CXCL13: variants seen among roughly 807,000 people sequenced by gnomAD.
CXCL13 encodes the protein C-X-C motif chemokine 13.
A neutral mutation model predicts 12.2 loss-of-function variants in CXCL13; 7 were observed. The ratio of observed to expected loss-of-function variants is 0.57; its 90% CI spans 0.33 to 1.07. The LOEUF (loss-of-function observed/expected upper bound fraction) is 1.07, where lower values mean the gene tolerates loss of function less well. Ranked by LOEUF, CXCL13 falls within the 50% of genes least tolerant of loss-of-function variation. CXCL13 has a pLI of 0.04. For missense variants in CXCL13, 113 were observed against 127.4 expected (o/e 0.89, Z 0.55); for synonymous variants, 47 against 42.4 (o/e 1.11, Z -0.42).
intron 1 of CXCL13, among the ~76,000 whole-genome samples, chr4:77,585,623 G>A (rs754458587): frequency 6.6e-6 from 1 of 152,192 alleles, no homozygotes; most frequent in Non-Finnish European, 1.5e-5. Context: ...GAGAGACGCT[G>A]TGTCACCCAG....
chr4:77,556,713 G>T (rs1185294166), intron 1 of CXCL13, among the ~76,000 whole-genome samples: 1 of 152,054 alleles, frequency 6.6e-6, no homozygotes, highest in Non-Finnish European at 1.5e-5. Flanking sequence ...ATTCAAAGAT[G>T]AATCCAGAAT....
At chr4:77,573,034 T>G (rs1300141078) in intron 1 of CXCL13, among the ~76,000 whole-genome samples, 2 of 151,714 alleles carry the variant, frequency 1.3e-5, no homozygotes, top group Non-Finnish European at 2.9e-5. Flanking sequence ...AGCTAAATGA[T>G]GAGAACACAT....
intron 1 of CXCL13, among the ~76,000 whole-genome samples, chr4:77,533,223 C>G (rs943551505): frequency 3.9e-5 from 6 of 152,100 alleles, no homozygotes; most frequent in Admixed American, 3.3e-4. Flanking sequence ...GTGTGGATGT[C>G]CTTTGTGTTT....
chr4:77,588,296 C>T (rs1726527963), intron 1 of CXCL13, among the ~76,000 whole-genome samples: 1 of 152,194 alleles, frequency 6.6e-6, no homozygotes, highest in South Asian at 2.1e-4. Context: ...CATTTCTTAA[C>T]CCCATTACTG....
intron 1 of CXCL13, among the ~76,000 whole-genome samples, chr4:77,525,800 T>C (rs1324243881): frequency 6.6e-6 from 1 of 152,166 alleles, no homozygotes; most frequent in African/African-American, 2.4e-5. Context: ...CACCTGGGGT[T>C]CTTTTAAATG....
intron 1 of CXCL13, among the ~76,000 whole-genome samples, chr4:77,560,686 A>G (rs529674728): frequency 2.0e-5 from 3 of 152,296 alleles, no homozygotes; most frequent in African/African-American, 7.2e-5. Context: ...ACTGCTTAGT[A>G]TCTTCATATA....
intron 1 of CXCL13, among the ~76,000 whole-genome samples, chr4:77,563,702 T>C (rs1725865391): frequency 6.6e-6 from 1 of 152,234 alleles, no homozygotes; most frequent in Admixed American, 6.5e-5. Context: ...ATGACGTTTA[T>C]TAAAATGAAG....
chr4:77,521,425 T>G (rs6839099), intron 1 of CXCL13, among the ~76,000 whole-genome samples: 3,027 of 152,296 alleles, frequency 0.02, 101 homozygotes, highest in African/African-American at 0.07. Context: ...AGATTCAACT[T>G]CTTCCTGGTT....
chr4:77,605,500 G>A (rs1027031182), upstream of CXCL13, among the ~76,000 whole-genome samples: 1 of 152,042 alleles, frequency 6.6e-6, no homozygotes, highest in African/African-American at 2.4e-5. Flanking sequence ...CCTGCACTGA[G>A]AGAAGCACTC....
intron 1 of CXCL13, among the ~76,000 whole-genome samples, chr4:77,545,751 C>T (rs548968260): frequency 1.1e-4 from 16 of 152,270 alleles, no homozygotes; most frequent in African/African-American, 3.4e-4. Context: ...CTTTCTCCTG[C>T]CTGATTGCCC....
At chr4:77,561,022 G>C (rs1578054278) in intron 1 of CXCL13, among the ~76,000 whole-genome samples, 1 of 152,170 alleles carries the variant, frequency 6.6e-6, no homozygotes, top group South Asian at 2.1e-4. Context: ...ATTAACACAA[G>C]CTGGTTATGT....
chr4:77,525,250 CGACT>C (rs936463933), intron 1 of CXCL13, among the ~76,000 whole-genome samples: 5 of 152,184 alleles, frequency 3.3e-5, no homozygotes. Flanking sequence ...CAGAGCACAC[CGACT>C]GACTGTTGAT....
chr4:77,534,969 C>G, intron 1 of CXCL13, among the ~76,000 whole-genome samples: 1 of 152,192 alleles, frequency 6.6e-6, no homozygotes, highest in Non-Finnish European at 1.5e-5. Context: ...TAAATTCTGC[C>G]TTCCACCCTC....
At chr4:77,531,025 G>A (rs112850171) in intron 1 of CXCL13, among the ~76,000 whole-genome samples, 1,810 of 151,150 alleles carry the variant, frequency 0.012, 47 homozygotes, top group African/African-American at 0.04. Flanking sequence ...CCTTCATTTC[G>A]TTATGTACCC....
chr4:77,599,366 T>C (rs570044518), intron 1 of CXCL13, among the ~76,000 whole-genome samples: 14 of 152,310 alleles, frequency 9.2e-5, no homozygotes, highest in African/African-American at 3.1e-4. Context: ...TAATACCTAA[T>C]ACAATGTAAA....
chr4:77,567,026 G>A (rs1438185782), intron 1 of CXCL13, among the ~76,000 whole-genome samples: 2 of 152,118 alleles, frequency 1.3e-5, no homozygotes, highest in South Asian at 2.1e-4. Context: ...TCCCACCATT[G>A]CGATTTGTTC....
intron 1 of CXCL13, among the ~76,000 whole-genome samples, chr4:77,578,403 TCTTATC>T (rs1726243139): frequency 6.6e-6 from 1 of 152,150 alleles, no homozygotes; most frequent in African/African-American, 2.4e-5. Context: ...CAGCCTTCAT[TCTTATC>T]CTTATCTTTG....
At chr4:77,518,111 T>G (rs941496950) in intron 1 of CXCL13, among the ~76,000 whole-genome samples, 7 of 152,190 alleles carry the variant, frequency 4.6e-5, no homozygotes, top group African/African-American at 1.7e-4. Flanking sequence ...TTAAGAATGG[T>G]GAATATTGGC....
At chr4:77,556,312 A>G (rs1044601238) in intron 1 of CXCL13, among the ~76,000 whole-genome samples, 2 of 141,252 alleles carry the variant, frequency 1.4e-5, no homozygotes, top group Non-Finnish European at 1.6e-5. Flanking sequence ...TGGATCTCAA[A>G]AACAATGCTG....
Sources: gnomAD v4.1 joint callset for allele counts (sites outside exome capture counted in the v4.1 genomes callset) on GRCh38, gnomAD v4.1.1 for gene constraint, MANE v1.5 for transcripts, NCBI Gene and HGNC (gene_info 2026-07-23, HGNC 2026-07-21) for gene names.